The following PTPRR variants were observed in gnomAD, a reference collection of about 807,000 sequenced individuals.
PTPRR encodes receptor-type tyrosine-protein phosphatase R.
A neutral mutation model predicts 77.2 loss-of-function variants in PTPRR; 38 were observed. That is an observed-to-expected ratio of 0.49 (90% CI 0.38 to 0.65). The LOEUF (loss-of-function observed/expected upper bound fraction) is 0.65, where lower values mean the gene tolerates loss of function less well. Ranked by LOEUF, PTPRR falls within the 30% of genes least tolerant of loss-of-function variation. The pLI is 0.00. For missense variants in PTPRR, 744 were observed against 799.2 expected (o/e 0.93, Z 0.83); for synonymous variants, 299 against 283.1 (o/e 1.06, Z -0.57).
chr12:70,872,176 A>G (rs1216798056), intron 2 of PTPRR, among the ~76,000 whole-genome samples: 1 of 152,132 alleles, frequency 6.6e-6, no homozygotes, highest in African/African-American at 2.4e-5. Flanking sequence ...ATGTAAACAG[A>G]AATTACATTT....
intron 2 of PTPRR, among the ~76,000 whole-genome samples, chr12:70,772,136 G>C (rs757786453): frequency 1.3e-5 from 2 of 152,106 alleles, no homozygotes; most frequent in Non-Finnish European, 2.9e-5. Flanking sequence ...TTAATCATTT[G>C]AGAGATACTC....
At chr12:70,673,771 G>T (rs568656517) in intron 10 of PTPRR, among the ~76,000 whole-genome samples, 6 of 152,196 alleles carry the variant, frequency 3.9e-5, no homozygotes, top group East Asian at 1.9e-4. Context: ...CTACGAAATG[G>T]TGCTAAATAT....
chr12:70,882,340 T>G (rs1369816993), intron 2 of PTPRR, among the ~76,000 whole-genome samples: 1 of 151,960 alleles, frequency 6.6e-6, no homozygotes, highest in African/African-American at 2.4e-5. Flanking sequence ...ATAGGAGGAG[T>G]GATGGTCAGA....
At chr12:70,727,495 A>G (rs1889484208) in intron 6 of PTPRR, among the ~76,000 whole-genome samples, 1 of 152,208 alleles carries the variant, frequency 6.6e-6, no homozygotes, top group South Asian at 2.1e-4. Context: ...TCAAAGAAAA[A>G]TTCATAAAAG....
At chr12:70,694,291 T>C (rs1333050654) in intron 8 of PTPRR, among the ~76,000 whole-genome samples, 1 of 152,214 alleles carries the variant, frequency 6.6e-6, no homozygotes, top group Non-Finnish European at 1.5e-5. Context: ...ATTCTTTAAG[T>C]GTATCTATAT....
At chr12:70,833,383 A>G (rs910809085) in intron 2 of PTPRR, among the ~76,000 whole-genome samples, 1 of 152,032 alleles carries the variant, frequency 6.6e-6, no homozygotes. Context: ...GGGGGTAAAA[A>G]TGGAGGTGAT....
intron 2 of PTPRR, among the ~76,000 whole-genome samples, chr12:70,823,119 A>ACACG (rs1011054500): frequency 4.3e-5 from 5 of 115,850 alleles, no homozygotes; most frequent in African/African-American, 1.4e-4. Context: ...ACACACACAC[A>ACACG]CACACACACA....
At chr12:70,788,760 C>T in intron 2 of PTPRR, 1 of 1,185,806 alleles carries the variant, frequency 8.4e-7, no homozygotes, top group Non-Finnish European at 1.2e-6. Context: ...ATTTACCCTC[C>T]TAAGCTCTTA....
intron 2 of PTPRR, among the ~76,000 whole-genome samples, chr12:70,799,394 G>T (rs572133254): frequency 6.6e-6 from 1 of 152,046 alleles, no homozygotes; most frequent in Non-Finnish European, 1.5e-5. Context: ...TCCCAGAATC[G>T]CATGTTTATT....
At chr12:70,848,903 T>C (rs1046974576) in intron 2 of PTPRR, among the ~76,000 whole-genome samples, 1 of 152,174 alleles carries the variant, frequency 6.6e-6, no homozygotes, top group African/African-American at 2.4e-5. Flanking sequence ...ATAACCTCTG[T>C]TGGGAATTAT....
chr12:70,864,962 T>C lies in PTPRR; in HGVS notation c.357+27717A>G, dbSNP rs551235316. ...GAGTAGCTGGGATTACAGGCGTGCG[T>C]CACCACACCTGGCTAATTTTTTTTG... On this transcript the variant is annotated intron_variant, in intron 2 of 13. Coordinates refer to ENST00000283228, the MANE Select transcript of PTPRR (RefSeq NM_002849.4). Among the ~76,000 whole-genome samples, 9 of 151,830 alleles carry C rather than the reference T, an allele frequency of 5.9e-5. No homozygotes were observed. In the East Asian group the frequency reaches 1.7e-3, roughly 29 times the overall value.
intron 3 of PTPRR, among the ~76,000 whole-genome samples, chr12:70,762,127 A>G (rs1181949890): frequency 6.6e-6 from 1 of 152,164 alleles, no homozygotes; most frequent in Non-Finnish European, 1.5e-5. Flanking sequence ...CCTTTTCCTG[A>G]TACTGTTCTT....
chr12:70,674,234 CTCA>C (rs979336749), intron 10 of PTPRR, among the ~76,000 whole-genome samples: 1 of 152,168 alleles, frequency 6.6e-6, no homozygotes, highest in African/African-American at 2.4e-5. Flanking sequence ...CATGCCTGGC[CTCA>C]TCAATCCTTT....
intron 2 of PTPRR, among the ~76,000 whole-genome samples, chr12:70,886,914 AAG>A (rs1893249532): frequency 6.6e-6 from 1 of 152,228 alleles, no homozygotes; most frequent in Non-Finnish European, 1.5e-5. Flanking sequence ...CTCGGGAAGA[AAG>A]AGACATAAAA....
chr12:70,787,430 C>A (rs943927355), intron 2 of PTPRR, among the ~76,000 whole-genome samples: 3 of 152,128 alleles, frequency 2.0e-5, no homozygotes, highest in African/African-American at 7.2e-5. Flanking sequence ...TGCTGTAGGG[C>A]AAGGTATTTT....
chr12:70,699,667 CATG>C (rs1203975736), intron 7 of PTPRR, among the ~76,000 whole-genome samples: 1 of 152,158 alleles, frequency 6.6e-6, no homozygotes, highest in African/African-American at 2.4e-5. Flanking sequence ...GCTAGCTATC[CATG>C]ATATTTATCC....
chr12:70,821,264 C>T (rs139203123), intron 2 of PTPRR, among the ~76,000 whole-genome samples: 1,577 of 89,994 alleles, frequency 0.018, 34 homozygotes, highest in African/African-American at 0.05. Context: ...TCACTCTGTC[C>T]CCCAGGCTGG....
rs56198607 is a variant in PTPRR at position 70,797,756 on chromosome 12, T to C, written c.358-32978A>G. Among the ~76,000 whole-genome samples, 1,397 of 152,322 alleles carry C rather than the reference T, an allele frequency of 9.2e-3. 23 individuals are homozygous for C. The highest frequency in any genetic ancestry group is 0.032 in the African/African-American group (1,313 of 41,570). The stretch of plus-strand genomic sequence containing the variant: ...TCTTCTCTTAGCTTCTGTGGCATCA[T>C]ATATTCCTGGGTTTTCTCCAATGCC... On this transcript the variant is annotated intron_variant, in intron 2 of 13. Coordinates refer to ENST00000283228, the MANE Select transcript of PTPRR (RefSeq NM_002849.4).
intron 2 of PTPRR, among the ~76,000 whole-genome samples, chr12:70,846,898 C>T (rs924436746): frequency 3.3e-5 from 5 of 152,106 alleles, no homozygotes; most frequent in Non-Finnish European, 7.3e-5. Flanking sequence ...ACAGCTTCCC[C>T]TGCTTGTCTC....
Sources: gnomAD v4.1 joint callset for allele counts (sites outside exome capture counted in the v4.1 genomes callset) on GRCh38, gnomAD v4.1.1 for gene constraint, MANE v1.5 for transcripts, NCBI Gene and HGNC (gene_info 2026-07-23, HGNC 2026-07-21) for gene names.